Variants in CHRDL1 observed in about 807,000 individuals in gnomAD.
CHRDL1 encodes chordin like 1, also known as chordin-like protein 1.
A neutral mutation model predicts 40.9 loss-of-function variants in CHRDL1; 19 were observed. The ratio of observed to expected loss-of-function variants is 0.46; its 90% CI spans 0.32 to 0.68. The LOEUF is 0.68. CHRDL1 is among the 30% of genes least tolerant of loss of function. The probability of loss-of-function intolerance (pLI) is 0.03; values close to 1 mark genes in which losing one functional copy is unlikely to be tolerated. For missense variants in CHRDL1, 329 were observed against 352.1 expected (o/e 0.93, Z 0.53); for synonymous variants, 136 against 123.4 (o/e 1.10, Z -0.68).
intron 7 of CHRDL1, among the ~76,000 whole-genome samples, chrX:110,699,504 T>C (rs1236754357): frequency 8.9e-6 from 1 of 112,271 alleles, no homozygotes; most frequent in African/African-American, 3.2e-5. Context: ...TTGATGCTTA[T>C]AGGAAAACAT....
At chrX:110,794,668 G>A (rs1192089628) in intron 1 of CHRDL1, among the ~76,000 whole-genome samples, 1 of 112,560 alleles carries the variant, frequency 8.9e-6, no homozygotes, top group African/African-American at 3.2e-5. Context: ...GCCATCAAGT[G>A]TCAGGAGCCC....
intron 2 of CHRDL1, among the ~76,000 whole-genome samples, chrX:110,777,794 T>G (rs2089875826): frequency 8.9e-6 from 1 of 111,735 alleles, no homozygotes; most frequent in African/African-American, 3.2e-5. Flanking sequence ...TTTTTCCCAG[T>G]CTGTGGCTTT....
chrX:110,693,565 A>T (rs771758950), intron 8 of CHRDL1, among the ~76,000 whole-genome samples: 2 of 110,167 alleles, frequency 1.8e-5, no homozygotes, highest in South Asian at 4.0e-4. Context: ...TATGTTGCCC[A>T]GCCTGGTTTG....
intron 4 of CHRDL1, among the ~76,000 whole-genome samples, chrX:110,738,739 C>CA (rs773511151): frequency 0.016 from 1,054 of 65,116 alleles, 18 homozygotes; most frequent in African/African-American, 0.042. Context: ...GAGACTCCTT[C>CA]AAAAAAAAAA....
intron 4 of CHRDL1, among the ~76,000 whole-genome samples, chrX:110,728,852 T>C (rs968706764): frequency 8.9e-6 from 1 of 111,801 alleles, no homozygotes; most frequent in African/African-American, 3.3e-5. Flanking sequence ...TCAAAAACAG[T>C]GGGCTGGGCA....
chrX:110,765,645 A>G (rs1314910147), intron 2 of CHRDL1, among the ~76,000 whole-genome samples: 1 of 111,746 alleles, frequency 8.9e-6, no homozygotes, highest in Non-Finnish European at 1.9e-5. Context: ...ATTCTGTTCC[A>G]TTGGTCTATA....
At chrX:110,685,350 G>A (rs182008003) in intron 9 of CHRDL1, among the ~76,000 whole-genome samples, 2,788 of 111,158 alleles carry the variant, frequency 0.025, 42 homozygotes, top group Middle Eastern at 0.07. Flanking sequence ...TCCACCTCCC[G>A]GGCTCAACCC....
intron 6 of CHRDL1, among the ~76,000 whole-genome samples, chrX:110,708,215 T>C (rs766629779): frequency 9.0e-6 from 1 of 110,906 alleles, no homozygotes; most frequent in South Asian, 4.0e-4. Flanking sequence ...AGTTCAACCA[T>C]TGTGGAAGAC....
rs781689903 is a variant in CHRDL1, at chrX:110,734,275, C to A, written c.302-12745G>T. 4.5e-5 allele frequency among the ~76,000 whole-genome samples: 5 copies of A among 111,928 alleles called. No individual in the cohort carries two copies. The East Asian group carries it at 1.4e-3, about 31-fold the overall frequency. ...GGATTTCACTTCAGCAGTATGAGATCTCTGCAAACAACTCTGTCCAGATTC... is the reference window on the plus strand; with the variant it reads ...GGATTTCACTTCAGCAGTATGAGATATCTGCAAACAACTCTGTCCAGATTC... On this transcript the variant is annotated intron_variant, in intron 4 of 11. Transcript: ENST00000372042.
intron 4 of CHRDL1, among the ~76,000 whole-genome samples, chrX:110,721,867 C>T (rs949521495): frequency 8.9e-6 from 1 of 112,366 alleles, no homozygotes. Context: ...CTAGATGGAG[C>T]TAATATTCCT....
intron 2 of CHRDL1, among the ~76,000 whole-genome samples, chrX:110,790,648 AC>A (rs1172223633): frequency 1.8e-5 from 2 of 110,113 alleles, no homozygotes; most frequent in Non-Finnish European, 3.8e-5. Context: ...TGTAACCATC[AC>A]CCAAATAATG....
intron 7 of CHRDL1, among the ~76,000 whole-genome samples, chrX:110,696,221 C>G (rs1011942330): frequency 2.7e-5 from 3 of 111,431 alleles, no homozygotes; most frequent in Non-Finnish European, 5.6e-5. Flanking sequence ...ACGAGAAGTT[C>G]TCTGACTCAT....
chrX:110,716,044 T>C (rs919620126), intron 6 of CHRDL1, among the ~76,000 whole-genome samples: 2 of 112,555 alleles, frequency 1.8e-5, no homozygotes, highest in Admixed American at 1.9e-4. Context: ...TATTGACTTA[T>C]GAGGGCTGAT....
At chrX:110,738,739 C>CAAAA (rs773511151) in intron 4 of CHRDL1, among the ~76,000 whole-genome samples, 1 of 65,280 alleles carries the variant, frequency 1.5e-5, no homozygotes, top group Non-Finnish European at 3.2e-5. Flanking sequence ...GAGACTCCTT[C>CAAAA]AAAAAAAAAA....
intron 10 of CHRDL1, 128 bp downstream of exon 10, chrX:110,681,354 G>C: frequency 1.8e-6 from 1 of 546,546 alleles, no homozygotes; most frequent in Non-Finnish European, 3.1e-6. Context: ...AGATATGTCA[G>C]TTTCTAAGCA....
chrX:110,741,400 C>T (rs1386313259), intron 4 of CHRDL1, among the ~76,000 whole-genome samples: 1 of 111,626 alleles, frequency 9.0e-6, no homozygotes. Context: ...TAAGTGCTTG[C>T]TCAAAATGAT....
chrX:110,678,809 A>T (rs1049444460), intron 11 of CHRDL1, among the ~76,000 whole-genome samples: 1 of 111,006 alleles, frequency 9.0e-6, no homozygotes, highest in Non-Finnish European at 1.9e-5. Context: ...GGCTCCATCT[A>T]GTGTGGAAAG....
chrX:110,788,642 C>T (rs768341554), intron 2 of CHRDL1, among the ~76,000 whole-genome samples: 42 of 111,907 alleles, frequency 3.8e-4, no homozygotes, highest in Non-Finnish European at 7.3e-4. Flanking sequence ...TCTGTTTCTT[C>T]ATCTACTCAC....
intron 4 of CHRDL1, among the ~76,000 whole-genome samples, chrX:110,729,934 T>C (rs2071126775): frequency 8.9e-6 from 1 of 112,021 alleles, no homozygotes; most frequent in African/African-American, 3.2e-5. Flanking sequence ...CAGGAACATA[T>C]TAATGCCCAA....
Sources: gnomAD v4.1 joint callset for allele counts (sites outside exome capture counted in the v4.1 genomes callset) on GRCh38, gnomAD v4.1.1 for gene constraint, MANE v1.5 for transcripts, NCBI Gene and HGNC (gene_info 2026-07-23, HGNC 2026-07-21) for gene names.